ACOT7: variants seen among roughly 807,000 people sequenced by gnomAD.
ACOT7 encodes acyl-CoA thioesterase 7, also known as cytosolic acyl coenzyme A thioester hydrolase.
ACOT7 carries 12 observed loss-of-function variants against 40.2 expected under a neutral mutation model. The observed-to-expected ratio is 0.30, with a 90% CI of 0.19 to 0.48. ACOT7 has a LOEUF of 0.48. Among genes scored for constraint, ACOT7 ranks in the 20% least tolerant of loss-of-function variants. ACOT7 has a pLI of 0.99. For missense variants in ACOT7, 395 were observed against 530.8 expected (o/e 0.74, Z 2.51); for synonymous variants, 228 against 219.5 (o/e 1.04, Z -0.34).
intron 8 of ACOT7, 62 bp from the exon 9 acceptor site, chr1:6,264,757 GT>G: frequency 6.4e-7 from 1 of 1,555,530 alleles, no homozygotes; most frequent in Non-Finnish European, 8.8e-7. Context: ...CCGTGGCCTT[GT>G]GACCTGGCCT....
In ACOT7 at chr1:6,344,239, G is replaced by T. The variant is rs114321116; in HGVS notation, c.262-4650C>A. ...CAGGATGTGAGGGGCAGGTCCAAGGGTCGCTCAGAGGAGGCACAAAAGCAG... is the reference window on the plus strand; with the variant it reads ...CAGGATGTGAGGGGCAGGTCCAAGGTTCGCTCAGAGGAGGCACAAAAGCAG... On this transcript the variant is annotated intron_variant, in intron 2 of 8. Transcript: ENST00000361521. 9.5e-3 allele frequency among the ~76,000 whole-genome samples: 1,454 copies of T among 152,288 alleles called. 17 individuals carry two copies. Among genetic ancestry groups the T allele is most frequent in the South Asian group, 0.042 (201 of 4,828 alleles).
Position 6,289,649 on chromosome 1 carries a change from C to T in ACOT7, c.829+5215G>A, listed in dbSNP as rs1051905628. 1.3e-5 allele frequency among the ~76,000 whole-genome samples: 2 copies of T among 152,042 alleles called. No homozygotes were observed. Among genetic ancestry groups the T allele is most frequent in the African/African-American group, 2.4e-5 (1 of 41,384 alleles). On this transcript the variant is annotated intron_variant, in intron 7 of 8. Coordinates refer to ENST00000361521, the MANE Select transcript of ACOT7 (RefSeq NM_007274.4). The surrounding 1 kb of genome is among the most constrained non-coding windows in gnomAD (Gnocchi z 4.6). Reference sequence around the variant, plus strand: ...TCAGCCTCACAAAGTGTTGGAATTACAAGCGTGAGCCACTGTGACCAGCCT... The same window carrying T: ...TCAGCCTCACAAAGTGTTGGAATTATAAGCGTGAGCCACTGTGACCAGCCT...
chr1:6,373,489 G>A (rs1642171799), intron 1 of ACOT7, among the ~76,000 whole-genome samples: 1 of 152,008 alleles, frequency 6.6e-6, no homozygotes, highest in Non-Finnish European at 1.5e-5. Flanking sequence ...GACCTCAGGT[G>A]ATCCGCCTGC....
chr1:6,266,449 G>A (rs757492183), intron 8 of ACOT7, among the ~76,000 whole-genome samples: 1 of 152,242 alleles, frequency 6.6e-6, no homozygotes, highest in African/African-American at 2.4e-5. Context: ...GTGCATCTGA[G>A]TCATCTGCCA....
In ACOT7 at chr1:6,275,632, G is replaced by A. The variant is rs1276807477; in HGVS notation, c.1014+5470C>T. Among the ~76,000 whole-genome samples the A allele has an allele frequency of 1.4e-5, 2 of 147,384 alleles. No individual in the cohort carries two copies. The highest frequency in any genetic ancestry group is 2.5e-5 in the African/African-American group (1 of 39,818). ...CTCGGGAGGCTGAGGCAGGAGAATC[G>A]TTTGAACCCGGGAGGCAGCGGTTGC... On this transcript the variant is annotated intron_variant, in intron 8 of 8. Transcript: ENST00000361521. The surrounding 1 kb of genome is among the most constrained non-coding windows in gnomAD (Gnocchi z 5.6).
chr1:6,280,707 G>A (rs982685563), intron 8 of ACOT7, among the ~76,000 whole-genome samples: 1 of 152,160 alleles, frequency 6.6e-6, no homozygotes, highest in East Asian at 1.9e-4. Flanking sequence ...CCCAGGGCAC[G>A]GTCCTCATCC....
intron 4 of ACOT7, among the ~76,000 whole-genome samples, chr1:6,329,850 C>T (rs1292944550): frequency 6.6e-6 from 1 of 152,206 alleles, no homozygotes; most frequent in Non-Finnish European, 1.5e-5. Flanking sequence ...GCCACTCAGC[C>T]TGTCCAGGGC....
chr1:6,291,554 G>GTA (rs1218295608), intron 7 of ACOT7, among the ~76,000 whole-genome samples: 1 of 152,228 alleles, frequency 6.6e-6, no homozygotes, highest in African/African-American at 2.4e-5. Flanking sequence ...ATTCTCTACA[G>GTA]TACAAAGCTC....
rs376229263 is a variant in ACOT7 at position 6,281,338 on chromosome 1, C to T, written c.830-52G>A. On this transcript the variant is annotated intron_variant, in intron 7 of 8. Coordinates refer to ENST00000361521, the MANE Select transcript of ACOT7 (RefSeq NM_007274.4). ...GGGCGGCCTCCACCCCACGGCTGGGCGGGGGACACTGGCGTTTCTGTGGTC... is the reference window on the plus strand; with the variant it reads ...GGGCGGCCTCCACCCCACGGCTGGGTGGGGGACACTGGCGTTTCTGTGGTC... 314 of 1,557,364 alleles carry T rather than the reference C, an allele frequency of 2.0e-4. No individual in the cohort carries two copies. The African/African-American group carries it at 3.7e-3, about 18-fold the overall frequency.
At chr1:6,320,778 G>T (rs900373660) in intron 5 of ACOT7, among the ~76,000 whole-genome samples, 1 of 152,272 alleles carries the variant, frequency 6.6e-6, no homozygotes. Flanking sequence ...TTGCACACGT[G>T]GAGCACCTCA....
rs867409593 is a variant in ACOT7 at position 6,385,766 on chromosome 1, G to A, written c.143+7491C>T. On this transcript the variant is annotated intron_variant, in intron 1 of 8. Coordinates refer to ENST00000361521, the MANE Select transcript of ACOT7 (RefSeq NM_007274.4). ...GGCCGGCTCAGCAGTGAGCCGGTGTGATCCCTCCCTGATAGAAAGCACCAG... is the reference window on the plus strand; with the variant it reads ...GGCCGGCTCAGCAGTGAGCCGGTGTAATCCCTCCCTGATAGAAAGCACCAG... 7.2e-5 allele frequency: 106 copies of A among 1,469,706 alleles called. 5 individuals are homozygous for A. In the South Asian group the frequency reaches 1.4e-3, roughly 19 times the overall value. The allele number at this position is 1,469,706 out of a possible 1,614,324, so 91.0% of individuals were successfully genotyped here.
At chr1:6,348,504 G>C (rs1400372628) in intron 2 of ACOT7, among the ~76,000 whole-genome samples, 1 of 152,098 alleles carries the variant, frequency 6.6e-6, no homozygotes. Flanking sequence ...TAGAAGGCAG[G>C]GTCTTTGGGA....
chr1:6,341,951 G>A (rs1641289156), intron 2 of ACOT7, among the ~76,000 whole-genome samples: 1 of 152,174 alleles, frequency 6.6e-6, no homozygotes, highest in South Asian at 2.1e-4. Flanking sequence ...CCCAGATGGT[G>A]GACATGGACA....
chr1:6,270,212 G>A (rs1320069681), intron 8 of ACOT7, among the ~76,000 whole-genome samples: 1 of 152,256 alleles, frequency 6.6e-6, no homozygotes, highest in Non-Finnish European at 1.5e-5. Context: ...CCCACCCACG[G>A]CCCGGCTGCT....
At position 6,306,055 on chromosome 1, in the gene ACOT7, G is replaced by A. The variant is rs1254878353; in HGVS notation, c.713-11075C>T. Reference sequence around the variant, plus strand: ...AATACGAAAACCAGTCAGGCGTGGCGGCGCGCGCCTGCAATCGCAGGCACT... The same window carrying A: ...AATACGAAAACCAGTCAGGCGTGGCAGCGCGCGCCTGCAATCGCAGGCACT... On this transcript the variant is annotated intron_variant, in intron 6 of 8. Transcript: ENST00000361521. The surrounding 1 kb of genome is among the most constrained non-coding windows in gnomAD (Gnocchi z 4.3). Among the ~76,000 whole-genome samples the A allele has an allele frequency of 6.6e-6, 1 of 152,016 alleles. No individual in the cohort carries two copies. The highest frequency in any genetic ancestry group is 2.4e-5 in the African/African-American group (1 of 41,350).
At chr1:6,364,881 G>C (rs1405572920) in intron 1 of ACOT7, among the ~76,000 whole-genome samples, 1 of 148,204 alleles carries the variant, frequency 6.7e-6, no homozygotes, top group Non-Finnish European at 1.5e-5. Flanking sequence ...AAATTAGCCA[G>C]GCATGGTGGT....
chr1:6,363,264 T>C (rs1641927877), intron 1 of ACOT7, among the ~76,000 whole-genome samples: 2 of 152,174 alleles, frequency 1.3e-5, no homozygotes, highest in East Asian at 1.9e-4. Context: ...CGCCAGCGTC[T>C]GGGAAGACGC....
chr1:6,361,879 G>T (rs1317225158), intron 1 of ACOT7, among the ~76,000 whole-genome samples: 1 of 152,224 alleles, frequency 6.6e-6, no homozygotes, highest in African/African-American at 2.4e-5. Context: ...CACTGGCCAT[G>T]TGGGTGACAC....
intron 2 of ACOT7, among the ~76,000 whole-genome samples, chr1:6,344,113 G>C (rs1365794407): frequency 6.6e-6 from 1 of 152,204 alleles, no homozygotes; most frequent in African/African-American, 2.4e-5. Context: ...AGAGGAAAGA[G>C]CAGCAGGAGT....
Sources: gnomAD v4.1 joint callset for allele counts (sites outside exome capture counted in the v4.1 genomes callset) on GRCh38, gnomAD v4.1.1 for gene constraint, Gnocchi (gnomAD v3.1) non-coding constraint, MANE v1.5 for transcripts, NCBI Gene and HGNC (gene_info 2026-07-23, HGNC 2026-07-21) for gene names.